SP6: variants seen among roughly 807,000 people sequenced by gnomAD.
The protein encoded by SP6 is Sp6 transcription factor.
Under a neutral mutation model 23.4 loss-of-function variants are expected in SP6, and 10 were observed. The ratio of observed to expected loss-of-function variants is 0.43; its 90% confidence interval spans 0.26 to 0.72. SP6 has a LOEUF of 0.72. Among genes scored for constraint, SP6 ranks in the 30% least tolerant of loss-of-function variants. The pLI is 0.23. For missense variants in SP6, 482 were observed against 523.8 expected (o/e 0.92, Z 0.78); for synonymous variants, 238 against 238.7 (o/e 1.00, Z 0.03).
At chr17:47,863,328 C>CA in the SP6 span, 10 of 152,356 alleles carry the variant, frequency 6.6e-5, no homozygotes, top group East Asian at 1.9e-3. Context: ...CTAACATCCT[C>CA]ACTAGAATGT....
upstream of SP6, among the ~76,000 whole-genome samples, chr17:47,856,802 A>C (rs1178206745): frequency 2.0e-5 from 3 of 151,930 alleles, no homozygotes; most frequent in South Asian, 6.2e-4. Flanking sequence ...GGACAGGAGC[A>C]GTTGTACCCC....
upstream of SP6, among the ~76,000 whole-genome samples, chr17:47,857,967 C>A (rs969634890): frequency 3.3e-5 from 5 of 151,810 alleles, no homozygotes; most frequent in African/African-American, 9.7e-5. Flanking sequence ...CCAGCGCCAG[C>A]CCTCGGATCT....
chr17:47,846,177 G>A lies in SP6; in HGVS notation c.*1122C>T, dbSNP rs2033883176. On this transcript the variant is annotated 3_prime_UTR_variant, in exon 2 of 2. Transcript: ENST00000536300. ...TGAACATGCTATGGCAGGGGCAAGG[G>A]AAAGACAAGGGCCAAGCTAGAGAGA... The A allele has an allele frequency of 6.6e-6, 1 of 152,196 alleles. No homozygotes were observed. Among genetic ancestry groups the A allele is most frequent in the South Asian group, 2.1e-4 (1 of 4,824 alleles). 9.4% of individuals were successfully genotyped at this position (152,196 alleles called of 1,614,324 possible). A position where few individuals can be genotyped will look rare whatever the true frequency, so the allele number is the denominator to read the frequency against.
the SP6 span, among the ~76,000 whole-genome samples, chr17:47,871,067 T>C: frequency 1.3e-5 from 2 of 152,218 alleles, no homozygotes; most frequent in African/African-American, 4.8e-5. Context: ...GGGATTTTTG[T>C]TTTGTTCACT....
upstream of SP6, among the ~76,000 whole-genome samples, chr17:47,853,310 G>A (rs1346480715): frequency 6.6e-6 from 1 of 152,208 alleles, no homozygotes; most frequent in Non-Finnish European, 1.5e-5. Flanking sequence ...CATCAACGCA[G>A]CTTTGTCTCC....
the SP6 span, among the ~76,000 whole-genome samples, chr17:47,867,620 C>G: frequency 6.6e-6 from 1 of 151,998 alleles, no homozygotes; most frequent in Non-Finnish European, 1.5e-5. Flanking sequence ...ATCCTCCCAC[C>G]CCCACCCCCA....
rs551883316 is a variant in SP6, at chr17:47,846,653, T to G, written c.*646A>C. On this transcript the variant is annotated 3_prime_UTR_variant, in exon 2 of 2. Transcript: ENST00000536300. ...GCAGCCCTCTTTCCCTCTTCCTTCATGGCTCCAACAGACTGGGTCTGAAAG... is the reference window on the plus strand; with the variant it reads ...GCAGCCCTCTTTCCCTCTTCCTTCAGGGCTCCAACAGACTGGGTCTGAAAG... 5.9e-5 allele frequency: 9 copies of G among 152,310 alleles called. No individual in the cohort carries two copies. The highest frequency in any genetic ancestry group is 1.9e-4 in the African/African-American group (8 of 41,564). The allele number at this position is 152,310 out of a possible 1,614,324, so 9.4% of individuals were successfully genotyped here. A position where few individuals can be genotyped will look rare whatever the true frequency, so the allele number is the denominator to read the frequency against.
chr17:47,870,445 C>G, the SP6 span, among the ~76,000 whole-genome samples: 1 of 152,210 alleles, frequency 6.6e-6, no homozygotes, highest in African/African-American at 2.4e-5. Context: ...TTTCTCTCCA[C>G]CCAGGAAAAA....
At chr17:47,850,001 A>G (rs2033937727) in intron 1 of SP6, among the ~76,000 whole-genome samples, 1 of 152,134 alleles carries the variant, frequency 6.6e-6, no homozygotes, top group Non-Finnish European at 1.5e-5. Context: ...GAGGGAGAGG[A>G]GGACGGGGGC....
At chr17:47,862,751 G>T in the SP6 span, among the ~76,000 whole-genome samples, 1 of 152,236 alleles carries the variant, frequency 6.6e-6, no homozygotes, top group African/African-American at 2.4e-5. Flanking sequence ...CTAGAACCCA[G>T]CATGTGGGAC....
chr17:47,853,856 G>T (rs1304889928), upstream of SP6, among the ~76,000 whole-genome samples: 1 of 152,078 alleles, frequency 6.6e-6, no homozygotes, highest in Non-Finnish European at 1.5e-5. Context: ...GCTCACTCAG[G>T]GTACTGGCAC....
intron 1 of SP6, among the ~76,000 whole-genome samples, chr17:47,849,155 G>T (rs920543124): frequency 6.6e-6 from 1 of 152,016 alleles, no homozygotes; most frequent in Non-Finnish European, 1.5e-5. Flanking sequence ...CACCTCCCTG[G>T]GGAGCAGCTT....
the SP6 span, among the ~76,000 whole-genome samples, chr17:47,875,052 G>A: frequency 6.6e-6 from 1 of 151,818 alleles, no homozygotes; most frequent in Non-Finnish European, 1.5e-5. Context: ...CCACCAGGGG[G>A]GCAGCTTTGT....
Position 47,847,402 on chromosome 17 carries a change from G to A in SP6, c.1028C>T (p.Ala343Val), listed in dbSNP as rs2033898600. Reference protein sequence around the residue: ...MKTHEGAKEEAAGAASGEGKA... With the variant: ...MKTHEGAKEEVAGAASGEGKA... ...GCCCTCTCCCGAGGCCGCCCCAGCC[G>A]CCTCCTCCTTGGCGCCCTCGTGGGT... The change falls in exon 2 of 2, where the codon GCG (alanine) becomes GTG (valine). Residue 343 changes from alanine (A) to valine (V), a missense_variant. Physicochemically the swap from Ala to Val is moderately conservative, Grantham distance 64. Around this residue, in one of 3 missense-constraint regions of SP6, gnomAD observed 101 missense variants for 99.3 expected, o/e 1.02. Transcript: ENST00000536300. The A allele has an allele frequency of 1.2e-6, 2 of 1,613,174 alleles. No homozygotes were observed. Among genetic ancestry groups the A allele is most frequent in the Non-Finnish European group, 1.7e-6 (2 of 1,179,754 alleles).
At chr17:47,857,008 C>T (rs192076562), upstream of SP6, among the ~76,000 whole-genome samples, 1 of 152,200 alleles carries the variant, frequency 6.6e-6, no homozygotes, top group East Asian at 1.9e-4. Flanking sequence ...TCCTTCCTCT[C>T]CCCATTTCAG....
upstream of SP6, among the ~76,000 whole-genome samples, chr17:47,858,108 G>T (rs568459141): frequency 6.6e-6 from 1 of 151,650 alleles, no homozygotes; most frequent in Non-Finnish European, 1.5e-5. Flanking sequence ...TCCTCCTCCC[G>T]CCCCTAGCTG....
the SP6 span, among the ~76,000 whole-genome samples, chr17:47,870,922 T>C: frequency 2.0e-5 from 3 of 152,292 alleles, no homozygotes; most frequent in East Asian, 5.8e-4. Context: ...CCTAGTTTTC[T>C]GGAAAATTCA....
chr17:47,851,969 C>T (rs988866858), upstream of SP6, among the ~76,000 whole-genome samples: 1 of 151,844 alleles, frequency 6.6e-6, no homozygotes, highest in Non-Finnish European at 1.5e-5. Flanking sequence ...AAGAAATCCA[C>T]CTCTCAAATT....
chr17:47,874,027 C>T, the SP6 span, among the ~76,000 whole-genome samples: 1 of 150,526 alleles, frequency 6.6e-6, no homozygotes, highest in East Asian at 2.0e-4. Context: ...CTTCTTCCCT[C>T]CTCCTTCCTC....
Sources: gnomAD v4.1 joint callset for allele counts (sites outside exome capture counted in the v4.1 genomes callset) on GRCh38, gnomAD v4.1.1 for gene constraint, gnomAD v4.1.1 regional missense constraint, MANE v1.5 for transcripts, NCBI Gene and HGNC (gene_info 2026-07-23, HGNC 2026-07-21) for gene names.